The following WFS1 variants were observed in gnomAD, a reference collection of about 807,000 sequenced individuals.
WFS1 encodes the protein wolframin.
In WFS1, 90 loss-of-function variants were observed where a neutral mutation model predicts 68.5. The ratio of observed to expected loss-of-function variants is 1.31; its 90% CI spans 1.11 to 1.56. The LOEUF is 1.56. Ranked by LOEUF, WFS1 falls within the 40% of genes most tolerant of loss-of-function variation. The probability of loss-of-function intolerance (pLI) is 0.00; values close to 1 mark genes in which losing one functional copy is unlikely to be tolerated. For missense variants in WFS1, 1,767 were observed against 1,232.6 expected (o/e 1.43, Z -6.49); for synonymous variants, 860 against 540.7 (o/e 1.59, Z -8.19).
intron 1 of WFS1, 99 bp from the exon 2 acceptor site, chr4:6,277,352 C>A: frequency 8.5e-7 from 1 of 1,180,306 alleles, no homozygotes; most frequent in African/African-American, 1.5e-5. Context: ...TCTGGCAGCT[C>A]CCACCTGCCT....
At chr4:6,289,277 T>G (rs776759291) in intron 4 of WFS1, 146 bp downstream of exon 4, 1 of 1,088,110 alleles carries the variant, frequency 9.2e-7, no homozygotes, top group Non-Finnish European at 1.3e-6. Flanking sequence ...GGTGGCCTTC[T>G]CATTTTAGAC....
chr4:6,300,303 G>A (rs1578607646), intron 7 of WFS1, among the ~76,000 whole-genome samples: 1 of 152,298 alleles, frequency 6.6e-6, no homozygotes, highest in Non-Finnish European at 1.5e-5. Flanking sequence ...ATCTCTTCAT[G>A]TGGGTGACCC....
rs867512186 is a variant in WFS1, at chr4:6,277,630, G to T, written c.175G>T (p.Ala59Ser). 1.3e-6 allele frequency: 2 copies of T among 1,570,576 alleles called. No homozygotes were observed. Among genetic ancestry groups the T allele is most frequent in the Admixed American group, 3.7e-5 (2 of 53,930 alleles). ...GPGPGVRDAA[A>S]PAEPQAQHTR... ...TGGCCCTGGTGTTAGAGACGCAGCG[G>T]CCCCCGCTGAACCCCAGGCCCAGCA... is the stretch of plus-strand genomic sequence containing the variant. The change falls in exon 2 of 8, where the codon GCC becomes TCC. Residue 59 changes from alanine to serine, a missense_variant. By Grantham distance (99) the Ala-to-Ser change is moderately conservative. Coordinates refer to ENST00000226760, the MANE Select transcript of WFS1 (RefSeq NM_006005.3).
intron 2 of WFS1, among the ~76,000 whole-genome samples, chr4:6,285,819 T>C (rs1256781160): frequency 6.6e-6 from 1 of 152,192 alleles, no homozygotes; most frequent in Non-Finnish European, 1.5e-5. Context: ...GTCCTCAGTG[T>C]GGTGTTACTG....
At chr4:6,286,868 A>T (rs1047146955) in intron 2 of WFS1, among the ~76,000 whole-genome samples, 4 of 152,198 alleles carry the variant, frequency 2.6e-5, no homozygotes, top group African/African-American at 7.2e-5. Context: ...CCTCACCCGC[A>T]TAGAGTTTGC....
rs546092866 is a variant in WFS1 at position 6,292,465 on chromosome 4, G to A, written c.712+468G>A. ...CCCAGCGTAGGCCCTTTGTAGGTAG[G>A]CAGGGAACAGAGTGGGCAGAGCCTA... On this transcript the variant is annotated intron_variant, in intron 6 of 7. Coordinates refer to ENST00000226760, the MANE Select transcript of WFS1 (RefSeq NM_006005.3). Among the ~76,000 whole-genome samples, 16 of 152,226 alleles carry A rather than the reference G, an allele frequency of 1.1e-4. No homozygotes were observed. In the South Asian group the frequency reaches 3.3e-3, roughly 32 times the overall value.
At chr4:6,270,398 C>T (rs996282470) in intron 1 of WFS1, among the ~76,000 whole-genome samples, 3 of 151,882 alleles carry the variant, frequency 2.0e-5, no homozygotes, top group Non-Finnish European at 4.4e-5. Context: ...CCCGCGGTCC[C>T]GGGACCCACG....
At chr4:6,282,053 G>A (rs1450007635) in intron 2 of WFS1, among the ~76,000 whole-genome samples, 2 of 152,220 alleles carry the variant, frequency 1.3e-5, no homozygotes, top group Non-Finnish European at 2.9e-5. Flanking sequence ...GGCAGGCCGT[G>A]GTGAGCTCAG....
At position 6,302,438 on chromosome 4, in the gene WFS1, CTTT is replaced by C. The variant is rs767929590; in HGVS notation, c.2646_2648del (p.Phe884del). 6.2e-7 allele frequency: 1 copy of C among 1,613,160 alleles called. No individual in the cohort carries two copies. The highest frequency in any genetic ancestry group is 2.2e-5 in the East Asian group (1 of 44,880). ...GCGCCGTGAAGTTCGCCTTCGACTT[CTTT>C]TTCTTCCCATTCCTGTCGGCGGCCT... On this transcript the variant is annotated inframe_deletion, in exon 8 of 8. Transcript: ENST00000226760.
At chr4:6,282,019 C>T (rs909795552) in intron 2 of WFS1, among the ~76,000 whole-genome samples, 3 of 152,208 alleles carry the variant, frequency 2.0e-5, no homozygotes, top group Non-Finnish European at 4.4e-5. Flanking sequence ...CATGGGTGGA[C>T]GTGCTCGTTC....
chr4:6,272,165 AC>A (rs1422946055), intron 1 of WFS1, among the ~76,000 whole-genome samples: 1 of 152,000 alleles, frequency 6.6e-6, no homozygotes, highest in African/African-American at 2.4e-5. Flanking sequence ...TTAGGTGTTA[AC>A]CCTTCCCATC....
intron 6 of WFS1, among the ~76,000 whole-genome samples, chr4:6,294,603 CG>C (rs766807936): frequency 8.5e-5 from 13 of 152,056 alleles, no homozygotes; most frequent in Non-Finnish European, 1.0e-4. Context: ...TTCGATGGAG[CG>C]GTTGGCAGGG....
intron 1 of WFS1, among the ~76,000 whole-genome samples, chr4:6,272,116 G>A (rs774947683): frequency 2.0e-5 from 3 of 152,244 alleles, no homozygotes; most frequent in Non-Finnish European, 2.9e-5. Context: ...CCACAGTGGA[G>A]TGAGGGCCCC....
At chr4:6,292,222 T>C (rs1730486603) in intron 6 of WFS1, among the ~76,000 whole-genome samples, 2 of 152,182 alleles carry the variant, frequency 1.3e-5, no homozygotes. Flanking sequence ...GAGTAGACCC[T>C]GCCCACCTGG....
At chr4:6,282,857 C>T (rs1029639932) in intron 2 of WFS1, among the ~76,000 whole-genome samples, 2 of 152,184 alleles carry the variant, frequency 1.3e-5, no homozygotes, top group Non-Finnish European at 2.9e-5. Context: ...GGTGCTGTGT[C>T]CTGGACTATG....
chr4:6,271,434 G>A (rs1326037856), intron 1 of WFS1, among the ~76,000 whole-genome samples: 1 of 152,166 alleles, frequency 6.6e-6, no homozygotes, highest in East Asian at 1.9e-4. Context: ...GGTCACAGAG[G>A]GGACCTCAGC....
In WFS1 at chr4:6,302,340, A is replaced by T; in HGVS notation, c.2545A>T (p.Asn849Tyr). The T allele has an allele frequency of 6.2e-7, 1 of 1,612,790 alleles. No homozygotes were observed. The highest frequency in any genetic ancestry group is 8.5e-7 in the Non-Finnish European group (1 of 1,179,956). ...CGAGCTCAAGGCCATCAGCTGCCTC[A>T]ACTGCATGGCCCAGCTCTCACCCAC... ...VFELKAISCL[N>Y]CMAQLSPTRR... The change falls in exon 8 of 8, where the codon AAC becomes TAC. Residue 849 changes from asparagine to tyrosine, a missense_variant. Physicochemically the swap from Asn to Tyr is moderately radical, Grantham distance 143. Coordinates refer to ENST00000226760, the MANE Select transcript of WFS1 (RefSeq NM_006005.3).
Position 6,287,233 on chromosome 4 carries a change from G to A in WFS1, c.315+58G>A, listed in dbSNP as rs1730340788. The A allele has an allele frequency of 2.1e-6, 3 of 1,441,746 alleles. No individual in the cohort carries two copies. In the South Asian group the frequency reaches 3.7e-5, roughly 18 times the overall value. The allele number at this position is 1,441,746 out of a possible 1,614,324, so 89.3% of individuals were successfully genotyped here. On this transcript the variant is annotated intron_variant, in intron 3 of 7. Transcript: ENST00000226760. This position sits in a 1 kb window ranked among gnomAD's most constrained non-coding sequence, Gnocchi z 6.4. ...ACGCGGCCCCCGGCACAACAGGCCT[G>A]GCCACGAGCTCCACAGCCCACAGAG...
At chr4:6,297,579 C>T (rs989435439) in intron 7 of WFS1, among the ~76,000 whole-genome samples, 7 of 152,306 alleles carry the variant, frequency 4.6e-5, no homozygotes, top group Middle Eastern at 3.4e-3. Context: ...AGCAGAATCT[C>T]GTCTCGGCTC....
Sources: gnomAD v4.1 joint callset for allele counts (sites outside exome capture counted in the v4.1 genomes callset) on GRCh38, gnomAD v4.1.1 for gene constraint, Gnocchi (gnomAD v3.1) non-coding constraint, MANE v1.5 for transcripts, NCBI Gene and HGNC (gene_info 2026-07-23, HGNC 2026-07-21) for gene names.